The following SH2D4A variants were observed in gnomAD, a reference collection of about 807,000 sequenced individuals.
SH2D4A encodes the protein SH2 domain containing 4A.
In SH2D4A, 70 loss-of-function variants were observed where a neutral mutation model predicts 64.7. That is an observed-to-expected ratio of 1.08 (90% confidence interval 0.89 to 1.32). The LOEUF is 1.32. Ranked by LOEUF, SH2D4A falls within the 40% of genes most tolerant of loss-of-function variation. SH2D4A has a pLI of 0.00. For synonymous variants in SH2D4A, 268 were observed against 200.7 expected (o/e 1.34, Z -2.83); for missense variants, 706 against 540.1 (o/e 1.31, Z -3.04).
chr8:19,343,083 G>A (rs573280922), intron 4 of SH2D4A, among the ~76,000 whole-genome samples: 1 of 152,256 alleles, frequency 6.6e-6, no homozygotes, highest in South Asian at 2.1e-4. Context: ...TATGCTAGCT[G>A]TGCAAATCTC....
chr8:19,347,721 A>G (rs1320160024), intron 4 of SH2D4A, among the ~76,000 whole-genome samples: 2 of 152,234 alleles, frequency 1.3e-5, no homozygotes, highest in Non-Finnish European at 2.9e-5. Context: ...ACAGGAGATA[A>G]AAAAATTAGA....
chr8:19,382,399 C>T (rs531186217), intron 8 of SH2D4A, among the ~76,000 whole-genome samples: 104 of 152,244 alleles, frequency 6.8e-4, no homozygotes, highest in Middle Eastern at 3.4e-3. Flanking sequence ...ATGGTGTGAA[C>T]GTGATACACA....
At position 19,319,061 on chromosome 8, in the gene SH2D4A, G is replaced by T. The variant is rs116672440; in HGVS notation, c.-204-283G>T. Among the ~76,000 whole-genome samples, 1,412 of 151,874 alleles carry T rather than the reference G, an allele frequency of 9.3e-3. 31 individuals are homozygous for T. Among genetic ancestry groups the T allele is most frequent in the African/African-American group, 0.032 (1,305 of 41,406 alleles). ...GGGTAATAATGTGTTTGCTTAGTTG[G>T]GAGCTGGACAAACCTCTGTGAACTT... On this transcript the variant is annotated intron_variant, in intron 1 of 9. Transcript: ENST00000265807.
intron 8 of SH2D4A, 31 bp downstream of exon 8, chr8:19,373,691 CG>C (rs1269472263): frequency 1.2e-6 from 2 of 1,605,490 alleles, no homozygotes; most frequent in African/African-American, 1.3e-5. Flanking sequence ...AATGGTGTTT[CG>C]TCTTAGGGCG....
At chr8:19,389,486 A>ACGGACCCTT (rs1398159457) in intron 8 of SH2D4A, among the ~76,000 whole-genome samples, 2 of 152,244 alleles carry the variant, frequency 1.3e-5, no homozygotes, top group African/African-American at 4.8e-5. Flanking sequence ...TCCAGCTGCG[A>ACGGACCCTT]CGGACCCTTG....
At chr8:19,334,527 C>T (rs1052594645) in intron 3 of SH2D4A, among the ~76,000 whole-genome samples, 159 bp from the exon 4 acceptor site, 2 of 152,124 alleles carry the variant, frequency 1.3e-5, no homozygotes, top group East Asian at 1.9e-4. Context: ...ATGAAGTTAA[C>T]GTCTTTACAC....
At chr8:19,318,512 G>T (rs1224239585) in intron 1 of SH2D4A, among the ~76,000 whole-genome samples, 1 of 152,170 alleles carries the variant, frequency 6.6e-6, no homozygotes, top group Non-Finnish European at 1.5e-5. Flanking sequence ...GTGCACTCTC[G>T]CTTTATGGTT....
chr8:19,393,240 C>G (rs1470011371), intron 8 of SH2D4A, 78 bp from the exon 9 acceptor site: 48 of 1,309,634 alleles, frequency 3.7e-5, no homozygotes, highest in Non-Finnish European at 5.3e-5. Context: ...GACTCTATAT[C>G]CATGCAGCTG....
At chr8:19,318,344 A>T (rs1437382173) in intron 1 of SH2D4A, among the ~76,000 whole-genome samples, 1 of 152,248 alleles carries the variant, frequency 6.6e-6, no homozygotes, top group Non-Finnish European at 1.5e-5. Flanking sequence ...TTACAAAAGT[A>T]TGATGGTTTA....
intron 8 of SH2D4A, among the ~76,000 whole-genome samples, chr8:19,376,361 T>G (rs1238566368): frequency 6.6e-6 from 1 of 152,082 alleles, no homozygotes; most frequent in Non-Finnish European, 1.5e-5. Flanking sequence ...GTGGCTCATG[T>G]CTATAATCAC....
rs1051127239 is a variant in SH2D4A at position 19,364,283 on chromosome 8, G to A, written c.917+1G>A. 6.2e-7 allele frequency: 1 copy of A among 1,614,012 alleles called. No individual in the cohort carries two copies. The highest frequency in any genetic ancestry group is 8.5e-7 in the Non-Finnish European group (1 of 1,179,928). The stretch of plus-strand genomic sequence containing the variant: ...GGGCATATCCTCAAAAACCTCTTAG[G>A]TAAGAAGCCACACAGATGGGTTTAT... On this transcript the variant is annotated splice_donor_variant, in intron 7 of 9. Coordinates refer to ENST00000265807, the MANE Select transcript of SH2D4A (RefSeq NM_022071.4). LOFTEE classifies it high-confidence loss of function.
rs1234746762 is a variant in SH2D4A, at chr8:19,393,471, A to G, written c.1202A>G (p.Asp401Gly). 6.2e-7 allele frequency: 1 copy of G among 1,614,120 alleles called. No homozygotes were observed. The highest frequency in any genetic ancestry group is 2.2e-5 in the East Asian group (1 of 44,894). Residue 401 changes from aspartate (D) to glycine (G), a missense_variant, in exon 9 of 10, where the codon GAC (aspartate) becomes GGC (glycine). By Grantham distance (94) the Asp-to-Gly change is moderately conservative. Transcript: ENST00000265807. Reference protein sequence around the residue: ...CKHFLIDASADAYSFLGVDQL... With the variant: ...CKHFLIDASAGAYSFLGVDQL... ...CATTTCCTCATCGATGCCTCTGCAG[A>G]CGCCTACAGCTTCCTGGGCGTGGAC...
intron 4 of SH2D4A, among the ~76,000 whole-genome samples, chr8:19,353,566 A>G (rs1267709651): frequency 6.6e-6 from 1 of 150,930 alleles, no homozygotes; most frequent in Non-Finnish European, 1.5e-5. Flanking sequence ...ATGGGGTTTC[A>G]CCATGTTGGC....
intron 4 of SH2D4A, among the ~76,000 whole-genome samples, chr8:19,337,316 G>T (rs924330064): frequency 2.6e-5 from 4 of 152,094 alleles, no homozygotes; most frequent in African/African-American, 9.7e-5. Flanking sequence ...TGACTCGATG[G>T]TACATTTATA....
chr8:19,393,937 A>C (rs1563217549), intron 9 of SH2D4A, among the ~76,000 whole-genome samples: 1 of 152,196 alleles, frequency 6.6e-6, no homozygotes, highest in Non-Finnish European at 1.5e-5. Flanking sequence ...TTGATTGTGC[A>C]TTTTATTATT....
intron 4 of SH2D4A, among the ~76,000 whole-genome samples, chr8:19,354,405 T>A (rs17128261): frequency 0.22 from 33,859 of 152,142 alleles, 4,130 homozygotes; most frequent in Middle Eastern, 0.32. Context: ...TCATCAATCA[T>A]CTCCAACTAC....
intron 4 of SH2D4A, among the ~76,000 whole-genome samples, chr8:19,355,246 CAAAG>C (rs1163031873): frequency 1.3e-5 from 2 of 152,054 alleles, no homozygotes; most frequent in African/African-American, 4.8e-5. Flanking sequence ...CTTATATCAT[CAAAG>C]AAAGAGAGAG....
At chr8:19,319,879 T>C (rs2052158560) in intron 2 of SH2D4A, 151 bp downstream of exon 2, 2 of 692,056 alleles carry the variant, frequency 2.9e-6, no homozygotes, top group South Asian at 5.1e-5. Flanking sequence ...TAGTGCAGTA[T>C]GTCCACCTGA....
At chr8:19,393,762 G>C (rs986753184) in intron 9 of SH2D4A, among the ~76,000 whole-genome samples, 1 of 152,048 alleles carries the variant, frequency 6.6e-6, no homozygotes, top group Admixed American at 6.6e-5. Context: ...AACCCCACTG[G>C]GGCAGAGAAT....
Sources: allele counts gnomAD v4.1 joint callset (sites outside exome capture counted in the v4.1 genomes callset), GRCh38; gene constraint gnomAD v4.1.1; transcripts MANE v1.5; gene names NCBI Gene and HGNC (gene_info 2026-07-23, HGNC 2026-07-21).